ARAP1: variants seen among roughly 807,000 people sequenced by gnomAD.
The protein encoded by ARAP1 is arf-GAP with Rho-GAP domain, ANK repeat and PH domain-containing protein 1.
In ARAP1, 76 loss-of-function variants were observed where a neutral mutation model predicts 172.2. The ratio of observed to expected loss-of-function variants is 0.44; its 90% CI spans 0.37 to 0.53. The LOEUF is 0.53. Ranked by LOEUF, ARAP1 falls within the 20% of genes least tolerant of loss-of-function variation. ARAP1 has a pLI of 0.00. For missense variants in ARAP1, 1,686 were observed against 1,977.5 expected, an observed-to-expected ratio of 0.85 and a Z score of 2.80; for synonymous variants, 804 against 803.3, an observed-to-expected ratio of 1.00 and a Z score of -0.01.
At chr11:72,696,419 T>C (rs1856194950) in intron 23 of ARAP1, 130 bp downstream of exon 23, 2 of 648,874 alleles carry the variant, frequency 3.1e-6, no homozygotes, top group Non-Finnish European at 5.0e-6. Context: ...TATCCAATGT[T>C]AGGGCAGATC....
intron 3 of ARAP1, among the ~76,000 whole-genome samples, chr11:72,719,668 ATCTT>A (rs2135559465): frequency 6.6e-6 from 1 of 152,228 alleles, no homozygotes; most frequent in South Asian, 2.1e-4. Context: ...ACCCGTTCCT[ATCTT>A]TCTGTCTATA....
chr11:72,709,697 G>T, intron 11 of ARAP1, 173 bp downstream of exon 11: 1 of 690,412 alleles, frequency 1.4e-6, no homozygotes, highest in Non-Finnish European at 2.6e-6. Context: ...TCTCAGGAGG[G>T]AAGGAGATCA....
intron 13 of ARAP1, chr11:72,705,584 A>T: frequency 2.1e-6 from 1 of 479,008 alleles, no homozygotes; most frequent in South Asian, 4.0e-5. Context: ...TTAAAAAAAA[A>T]TAACACTTTA....
intron 3 of ARAP1, chr11:72,722,295 C>T: frequency 2.0e-6 from 2 of 985,670 alleles, no homozygotes; most frequent in Non-Finnish European, 2.4e-6. Context: ...CTTTGTGTCT[C>T]CCCCACCTCC....
intron 3 of ARAP1, among the ~76,000 whole-genome samples, chr11:72,715,566 ACTT>A (rs1187643080): frequency 1.6e-5 from 2 of 125,934 alleles, no homozygotes; most frequent in African/African-American, 2.9e-5. Flanking sequence ...TAGTTTTTTA[ACTT>A]CTTTTTTTTT....
chr11:72,712,166 G>C (rs772833736), intron 7 of ARAP1, 30 bp downstream of exon 7: 5 of 1,557,618 alleles, frequency 3.2e-6, no homozygotes, highest in Non-Finnish European at 4.3e-6. Context: ...CCCATGCAGA[G>C]CACAGCAGGA....
intron 1 of ARAP1, among the ~76,000 whole-genome samples, chr11:72,739,858 C>T (rs1316716785): frequency 6.6e-6 from 1 of 152,176 alleles, no homozygotes; most frequent in African/African-American, 2.4e-5. Flanking sequence ...ACCCCAGACA[C>T]CAATGACTAC....
chr11:72,686,256 T>A, intron 33 of ARAP1, 65 bp from the exon 34 acceptor site: 4 of 1,549,456 alleles, frequency 2.6e-6, no homozygotes, highest in Non-Finnish European at 3.5e-6. Flanking sequence ...GCCTCAGATC[T>A]GCCCACCCTT....
At chr11:72,707,958 T>A (rs1406664016) in intron 11 of ARAP1, among the ~76,000 whole-genome samples, 1 of 151,706 alleles carries the variant, frequency 6.6e-6, no homozygotes, top group Non-Finnish European at 1.5e-5. Context: ...TGTGACATGC[T>A]CCATAACCCC....
At chr11:72,748,371 T>C (rs1245157729) in intron 1 of ARAP1, among the ~76,000 whole-genome samples, 1 of 151,970 alleles carries the variant, frequency 6.6e-6, no homozygotes, top group Non-Finnish European at 1.5e-5. Context: ...AATACAAAAA[T>C]TAGCTGGGTA....
intron 1 of ARAP1, among the ~76,000 whole-genome samples, chr11:72,749,604 C>T (rs1164565530): frequency 6.6e-6 from 1 of 152,020 alleles, no homozygotes; most frequent in Non-Finnish European, 1.5e-5. Flanking sequence ...CCTCTCCCAG[C>T]CGGGAGTGGT....
Position 72,685,349 on chromosome 11 carries a change from G to A in ARAP1, c.*315C>T, listed in dbSNP as rs963623079. ...GGCCTCACGCCTCTGAAAGGGTGGT[G>A]GTCCTCCCAAGTTCCTGACTTATGC... On this transcript the variant is annotated 3_prime_UTR_variant, in exon 35 of 35. Transcript: ENST00000393609. The A allele has an allele frequency of 4.6e-6, 2 of 432,046 alleles. No homozygotes were observed. The highest frequency in any genetic ancestry group is 4.1e-5 in the African/African-American group (2 of 49,304). 26.8% of individuals were successfully genotyped at this position (432,046 alleles called of 1,614,324 possible). A position where few individuals can be genotyped will look rare whatever the true frequency, so the allele number is the denominator to read the frequency against.
chr11:72,687,422 C>T lies in ARAP1; in HGVS notation c.4185+17G>A. On this transcript the variant is annotated intron_variant, in intron 33 of 34. Transcript: ENST00000393609. Reference sequence around the variant, plus strand: ...CTCCAGGGACCCACCCCACACCCCACACTCTGCACCTGGTACCTGCACAAA... The same window carrying T: ...CTCCAGGGACCCACCCCACACCCCATACTCTGCACCTGGTACCTGCACAAA... The T allele has an allele frequency of 1.9e-6, 3 of 1,614,208 alleles. No homozygotes were observed. The highest frequency in any genetic ancestry group is 2.5e-6 in the Non-Finnish European group (3 of 1,180,028).
chr11:72,696,821 C>A, intron 22 of ARAP1, 162 bp downstream of exon 22: 1 of 968,182 alleles, frequency 1.0e-6, no homozygotes, highest in Non-Finnish European at 1.5e-6. Flanking sequence ...CTTCCAGGGC[C>A]CCTGGCTCTG....
At chr11:72,689,966 T>C (rs994320118) in intron 30 of ARAP1, among the ~76,000 whole-genome samples, 3 of 152,092 alleles carry the variant, frequency 2.0e-5, no homozygotes, top group African/African-American at 7.2e-5. Flanking sequence ...GCCTGCAAAC[T>C]GGAAGACAGC....
chr11:72,688,371 T>TA (rs1018661287), intron 31 of ARAP1, 84 bp downstream of exon 31: 1 of 1,316,678 alleles, frequency 7.6e-7, no homozygotes, highest in Non-Finnish European at 1.1e-6. Flanking sequence ...TCTGTCAAAT[T>TA]AAAAACCCCA....
intron 14 of ARAP1, 133 bp from the exon 15 acceptor site, chr11:72,703,212 G>T (rs915035000): frequency 7.7e-6 from 7 of 908,496 alleles, no homozygotes; most frequent in Non-Finnish European, 1.1e-5. Context: ...GACTGAAAGA[G>T]AGAATAGGAA....
chr11:72,697,305 C>T lies in ARAP1; in HGVS notation c.2953+18G>A, dbSNP rs780931099. ...TCTCCGGGAGGGGCGGGGCTGGCAC[C>T]CTAGGGGCAGGGCTCACCGCACTGC... On this transcript the variant is annotated intron_variant, in intron 21 of 34. Coordinates refer to ENST00000393609, the MANE Select transcript of ARAP1 (RefSeq NM_001040118.3). 12 of 1,576,036 alleles carry T rather than the reference C, an allele frequency of 7.6e-6. No individual in the cohort carries two copies. Among genetic ancestry groups the T allele is most frequent in the Non-Finnish European group, 1.0e-5 (12 of 1,159,816 alleles).
At chr11:72,730,353 A>G (rs950405499) in intron 2 of ARAP1, among the ~76,000 whole-genome samples, 6 of 152,230 alleles carry the variant, frequency 3.9e-5, no homozygotes, top group African/African-American at 1.4e-4. Flanking sequence ...AAAGTTGGAA[A>G]ATACAGGCAT....
Sources: allele counts gnomAD v4.1 joint callset (sites outside exome capture counted in the v4.1 genomes callset), GRCh38; gene constraint gnomAD v4.1.1; transcripts MANE v1.5; gene names NCBI Gene and HGNC (gene_info 2026-07-23, HGNC 2026-07-21).